Variants in EIF4G3 observed in about 807,000 individuals in gnomAD.
The protein encoded by EIF4G3 is eukaryotic translation initiation factor 4 gamma 3.
Under a neutral mutation model 186.4 loss-of-function variants are expected in EIF4G3, and 34 were observed. The ratio of observed to expected loss-of-function variants is 0.18; its 90% CI spans 0.14 to 0.24. EIF4G3 has a LOEUF of 0.24. Among genes scored for constraint, EIF4G3 ranks in the 10% least tolerant of loss-of-function variants. EIF4G3 has a pLI of 1.00. For synonymous variants in EIF4G3, 673 were observed against 679.5 expected (o/e 0.99, Z 0.15); for missense variants, 1,536 against 1,948.5 (o/e 0.79, Z 3.99).
intron 7 of EIF4G3, among the ~76,000 whole-genome samples, chr1:20,984,801 G>C (rs2079090411): frequency 6.6e-6 from 1 of 151,866 alleles, no homozygotes; most frequent in Admixed American, 6.6e-5. Context: ...TGTTAGCCAA[G>C]ATGGTCTCAA....
chr1:20,885,270 C>T (rs993438804), intron 19 of EIF4G3, among the ~76,000 whole-genome samples: 3 of 152,194 alleles, frequency 2.0e-5, no homozygotes, highest in Admixed American at 6.5e-5. Flanking sequence ...TCAGGGACAT[C>T]ATCGTACTGA....
In EIF4G3 at chr1:20,941,927, A is replaced by G. The variant is rs2095732151; in HGVS notation, c.1227T>C (p.Thr409=). The part of the protein sequence containing the change: ...APNDIPLVSS[T]NLINEINGVS... ...CTCCATTTATTTCATTAATTAGGTT[A>G]GTACTAGAAACCAGTGGAATATCAT... Residue 409 remains threonine, a synonymous_variant, in exon 14 of 37, where the codon ACT becomes ACC. Transcript: ENST00000602326. The G allele has an allele frequency of 6.2e-7, 1 of 1,614,082 alleles. No individual in the cohort carries two copies. The highest frequency in any genetic ancestry group is 1.7e-5 in the Admixed American group (1 of 60,000).
chr1:20,808,600 G>C (rs1452949513), intron 36 of EIF4G3, among the ~76,000 whole-genome samples: 1 of 152,160 alleles, frequency 6.6e-6, no homozygotes, highest in Non-Finnish European at 1.5e-5. Context: ...AGAATGGCGT[G>C]AACCCGGCAG....
intron 2 of EIF4G3, among the ~76,000 whole-genome samples, chr1:21,151,037 T>C (rs1444014376): frequency 6.6e-6 from 1 of 152,036 alleles, no homozygotes; most frequent in Non-Finnish European, 1.5e-5. Context: ...AAAAATCAAA[T>C]GACCTAATCT....
At chr1:21,006,650 G>C (rs956655277) in intron 4 of EIF4G3, among the ~76,000 whole-genome samples, 2 of 152,164 alleles carry the variant, frequency 1.3e-5, no homozygotes, top group Non-Finnish European at 2.9e-5. Flanking sequence ...AAGCCAATGA[G>C]AACAGTCCTT....
At chr1:21,038,533 A>G (rs1571477448) in intron 4 of EIF4G3, among the ~76,000 whole-genome samples, 1 of 152,072 alleles carries the variant, frequency 6.6e-6, no homozygotes, top group Non-Finnish European at 1.5e-5. Context: ...TCTACATCTC[A>G]GCTAAAACAT....
chr1:21,149,621 G>A (rs887628016), intron 2 of EIF4G3, among the ~76,000 whole-genome samples: 12 of 152,038 alleles, frequency 7.9e-5, no homozygotes, highest in African/African-American at 2.9e-4. Context: ...TTTCCTCTTG[G>A]GAGTGGTCCA....
chr1:21,148,660 C>A (rs1280173564), intron 2 of EIF4G3, among the ~76,000 whole-genome samples: 2 of 149,922 alleles, frequency 1.3e-5, no homozygotes, highest in Non-Finnish European at 3.0e-5. Flanking sequence ...CGAGATCGCG[C>A]CACTGCACTC....
Position 21,040,086 on chromosome 1 carries a change from CT to C in EIF4G3, c.-67+10779del, listed in dbSNP as rs1313029335. Among the ~76,000 whole-genome samples the C allele has an allele frequency of 5.9e-5, 9 of 152,316 alleles. No individual in the cohort carries two copies. In the South Asian group the frequency reaches 1.9e-3, roughly 32 times the overall value. On this transcript the variant is annotated intron_variant, in intron 4 of 36. Transcript: ENST00000602326. ...AAACCTTAGAATCGCCAACGTCTGT[CT>C]TTTTGTATGCTAATGTTGACTGACA...
chr1:20,841,113 C>A (rs557661810), intron 29 of EIF4G3, 85 bp from the exon 30 acceptor site: 4 of 1,377,444 alleles, frequency 2.9e-6, no homozygotes, highest in South Asian at 1.4e-5. Flanking sequence ...CTTTTACTTA[C>A]AACAGAATCA....
At chr1:21,008,191 G>A (rs945202536) in intron 4 of EIF4G3, among the ~76,000 whole-genome samples, 1 of 152,150 alleles carries the variant, frequency 6.6e-6, no homozygotes, top group African/African-American at 2.4e-5. Flanking sequence ...TAGGAAGTCT[G>A]CTATTTTATA....
At chr1:20,845,445 A>C (rs1230447285) in intron 29 of EIF4G3, among the ~76,000 whole-genome samples, 1 of 152,076 alleles carries the variant, frequency 6.6e-6, no homozygotes, top group Non-Finnish European at 1.5e-5. Context: ...GGCGGATCAC[A>C]AGGTCAGGAG....
chr1:20,980,068 G>A (rs1480795860), intron 10 of EIF4G3, among the ~76,000 whole-genome samples: 44 of 152,112 alleles, frequency 2.9e-4, no homozygotes, highest in Non-Finnish European at 1.5e-5. Context: ...GGGCAGAGTG[G>A]CATGTGCCAG....
chr1:21,025,417 AG>A (rs1382530022), intron 4 of EIF4G3, among the ~76,000 whole-genome samples: 2 of 152,176 alleles, frequency 1.3e-5, no homozygotes, highest in Non-Finnish European at 2.9e-5. Context: ...CATAGTGATA[AG>A]GGCCTGATAA....
intron 2 of EIF4G3, among the ~76,000 whole-genome samples, chr1:21,115,387 T>C (rs1183579593): frequency 3.3e-5 from 5 of 152,148 alleles, no homozygotes; most frequent in Non-Finnish European, 7.3e-5. Context: ...TACATGAGCA[T>C]GGCACCTCAA....
rs1480066121 is a variant in EIF4G3, at chr1:20,840,773, T to C, written c.4061+83A>G. 7 of 1,298,886 alleles carry C rather than the reference T, an allele frequency of 5.4e-6. No homozygotes were observed. In the Admixed American group the frequency reaches 1.6e-4, roughly 29 times the overall value. The allele number at this position is 1,298,886 out of a possible 1,614,324, so 80.5% of individuals were successfully genotyped here. A position where few individuals can be genotyped will look rare whatever the true frequency, so the allele number is the denominator to read the frequency against. On this transcript the variant is annotated intron_variant, in intron 30 of 36. Coordinates refer to ENST00000602326, the MANE Select transcript of EIF4G3 (RefSeq NM_001391906.1). ...ATTTTCATCTATGGAAAAAACTAAA[T>C]ACTTAAAGAGGTAAGTACTTTGAAA...
intron 2 of EIF4G3, among the ~76,000 whole-genome samples, chr1:21,150,950 T>C (rs1425861982): frequency 6.6e-6 from 1 of 152,186 alleles, no homozygotes; most frequent in African/African-American, 2.4e-5. Context: ...CACTCCAGGC[T>C]GGGCAACAGA....
intron 29 of EIF4G3, chr1:20,841,272 T>C (rs1203194129): frequency 1.0e-5 from 3 of 299,262 alleles, no homozygotes; most frequent in Admixed American, 4.9e-5. Flanking sequence ...ATTTATCTAG[T>C]AGGTTTTCCA....
intron 14 of EIF4G3, among the ~76,000 whole-genome samples, chr1:20,921,488 T>C (rs2094492254): frequency 6.6e-6 from 1 of 152,154 alleles, no homozygotes; most frequent in Admixed American, 6.6e-5. Flanking sequence ...GAACAGCTGT[T>C]GGATTCCAAA....
Sources: allele counts gnomAD v4.1 joint callset (sites outside exome capture counted in the v4.1 genomes callset), GRCh38; gene constraint gnomAD v4.1.1; transcripts MANE v1.5; gene names NCBI Gene and HGNC (gene_info 2026-07-23, HGNC 2026-07-21).